Variants in SLC9A7 observed in about 807,000 individuals in gnomAD.
SLC9A7 encodes solute carrier family 9 member A7.
In SLC9A7, 19 loss-of-function variants were observed where a neutral mutation model predicts 52.6. The ratio of observed to expected loss-of-function variants is 0.36; its 90% CI spans 0.25 to 0.53. The LOEUF is 0.53. Among genes scored for constraint, SLC9A7 ranks in the 20% least tolerant of loss-of-function variants. The pLI is 0.91. For missense variants in SLC9A7, 455 were observed against 597.9 expected (o/e 0.76, Z 2.49); for synonymous variants, 226 against 252.1 (o/e 0.90, Z 0.98).
chrX:46,643,491 T>C lies in SLC9A7; in HGVS notation c.1463-102A>G, dbSNP rs1943439780. On this transcript the variant is annotated intron_variant, in intron 11 of 16. Coordinates refer to ENST00000616978, the MANE Select transcript of SLC9A7 (RefSeq NM_001257291.2). ...GGGGCTAATAAACTCTATTCATTCATGCTTCAGGGGCCAAGTTGTTTTACT... is the reference window on the plus strand; with the variant it reads ...GGGGCTAATAAACTCTATTCATTCACGCTTCAGGGGCCAAGTTGTTTTACT... 5 of 823,725 alleles carry C rather than the reference T, an allele frequency of 6.1e-6. No homozygotes were observed. In the Admixed American group the frequency reaches 8.7e-5, roughly 14 times the overall value. The allele number at this position is 823,725 out of a possible 1,213,427, so 67.9% of individuals were successfully genotyped here.
At chrX:46,637,288 C>T (rs1390735327) in intron 12 of SLC9A7, among the ~76,000 whole-genome samples, 1 of 111,995 alleles carries the variant, frequency 8.9e-6, no homozygotes, top group Middle Eastern at 4.2e-3. Flanking sequence ...AGCTGCTCGT[C>T]TCCAGAGCCT....
At chrX:46,687,354 CA>C (rs1240892850) in intron 1 of SLC9A7, among the ~76,000 whole-genome samples, 1 of 111,862 alleles carries the variant, frequency 8.9e-6, no homozygotes, top group Non-Finnish European at 1.9e-5. Flanking sequence ...TTTTACAGCA[CA>C]GTAGGGGTTG....
intron 1 of SLC9A7, among the ~76,000 whole-genome samples, chrX:46,721,364 G>A (rs2146957394): frequency 8.9e-6 from 1 of 111,889 alleles, no homozygotes; most frequent in Non-Finnish European, 1.9e-5. Context: ...GCCAGCAGAA[G>A]AGTGGAATTT....
chrX:46,636,639 TA>T (rs1159431920), intron 12 of SLC9A7, among the ~76,000 whole-genome samples: 156 of 102,190 alleles, frequency 1.5e-3, no homozygotes, highest in East Asian at 3.1e-3. Context: ...TCTTGTAGGT[TA>T]AAAAAAAAAA....
At chrX:46,756,567 G>C (rs1382231537) in intron 1 of SLC9A7, among the ~76,000 whole-genome samples, 13 of 111,748 alleles carry the variant, frequency 1.2e-4, no homozygotes, top group African/African-American at 3.9e-4. Context: ...CAGATTAGGG[G>C]GACCTTGCAG....
intron 7 of SLC9A7, among the ~76,000 whole-genome samples, chrX:46,660,556 T>C (rs374686891): frequency 2.7e-5 from 3 of 110,339 alleles, no homozygotes; most frequent in Non-Finnish European, 5.7e-5. Context: ...AAAAAGTGGG[T>C]GAAGGACATG....
intron 1 of SLC9A7, among the ~76,000 whole-genome samples, chrX:46,741,424 G>A (rs1392482543): frequency 1.8e-5 from 2 of 111,775 alleles, no homozygotes; most frequent in Non-Finnish European, 3.8e-5. Flanking sequence ...TATTGGCAAA[G>A]AGCTAGATAC....
intron 5 of SLC9A7, among the ~76,000 whole-genome samples, chrX:46,664,580 C>T (rs1460212162): frequency 1.8e-5 from 2 of 111,101 alleles, no homozygotes; most frequent in African/African-American, 6.5e-5. Context: ...TTGTCAGTCC[C>T]CTATATGTCC....
intron 1 of SLC9A7, among the ~76,000 whole-genome samples, chrX:46,746,006 T>C (rs1470971006): frequency 9.2e-6 from 1 of 109,108 alleles, no homozygotes; most frequent in African/African-American, 3.3e-5. Context: ...ATGAAAAATG[T>C]ACTACAGCAA....
At chrX:46,642,167 T>TC (rs1030775085) in intron 12 of SLC9A7, among the ~76,000 whole-genome samples, 9 of 111,739 alleles carry the variant, frequency 8.1e-5, no homozygotes, top group African/African-American at 2.9e-4. Context: ...TTTAGTTTCT[T>TC]CCCCCCAACC....
intron 1 of SLC9A7, among the ~76,000 whole-genome samples, chrX:46,689,490 A>G (rs1198242582): frequency 9.0e-6 from 1 of 111,509 alleles, no homozygotes; most frequent in East Asian, 2.8e-4. Context: ...ACATGTTTTC[A>G]TTTCTCTAAG....
Position 46,718,383 on chromosome X carries a change from C to A in SLC9A7, c.326-35848G>T, listed in dbSNP as rs773982295. Among the ~76,000 whole-genome samples, 756 of 111,777 alleles carry A rather than the reference C, an allele frequency of 6.8e-3. 12 individuals are homozygous for A. The highest frequency in any genetic ancestry group is 0.023 in the African/African-American group (716 of 30,676). On this transcript the variant is annotated intron_variant, in intron 1 of 16. Coordinates refer to ENST00000616978, the MANE Select transcript of SLC9A7 (RefSeq NM_001257291.2). ...AGGCAATACCATTCAGGACACAGGC[C>A]TGGGCAAGGACTTCATGTCTAAAAC... is the stretch of plus-strand genomic sequence containing the variant.
chrX:46,699,006 C>G (rs1944489918), intron 1 of SLC9A7, among the ~76,000 whole-genome samples: 1 of 111,611 alleles, frequency 9.0e-6, no homozygotes, highest in African/African-American at 3.3e-5. Context: ...TCTATCTCAT[C>G]CCCTTAGAAC....
intron 11 of SLC9A7, among the ~76,000 whole-genome samples, chrX:46,644,711 G>T (rs1222712613): frequency 9.0e-6 from 1 of 110,773 alleles, no homozygotes; most frequent in African/African-American, 3.3e-5. Context: ...CCATGGGCAA[G>T]ACTGTATAAC....
chrX:46,641,935 C>T (rs760584687), intron 12 of SLC9A7, among the ~76,000 whole-genome samples: 1 of 111,871 alleles, frequency 8.9e-6, no homozygotes, highest in Non-Finnish European at 1.9e-5. Flanking sequence ...TGGAACAATG[C>T]CTGCAACGTA....
chrX:46,662,123 T>C lies in SLC9A7; in HGVS notation c.934A>G (p.Thr312Ala), dbSNP rs1943834048. 8.3e-7 allele frequency: 1 copy of C among 1,207,700 alleles called. No individual in the cohort carries two copies. Among genetic ancestry groups the C allele is most frequent in the African/African-American group, 1.8e-5 (1 of 56,919 alleles). The change falls in exon 7 of 17, where the codon ACT becomes GCT. Residue 312 changes from threonine (T) to alanine (A), a missense_variant. By Grantham distance (58) the Thr-to-Ala change is moderately conservative. Coordinates refer to ENST00000616978, the MANE Select transcript of SLC9A7 (RefSeq NM_001257291.2). Reference protein sequence around the residue: ...IVAYQPAGLNTHAFDAAAFFK... With the variant: ...IVAYQPAGLNAHAFDAAAFFK... ...AAGGCAGCAGCATCAAAGGCGTGAG[T>C]GTTCAGTCCCGCTGGCTGGTAGGCA...
intron 1 of SLC9A7, among the ~76,000 whole-genome samples, chrX:46,687,292 A>C (rs960901210): frequency 2.7e-5 from 3 of 112,043 alleles, no homozygotes; most frequent in African/African-American, 9.7e-5. Flanking sequence ...TTCTTATGTA[A>C]GGTACTGAGG....
chrX:46,606,924 C>T lies in SLC9A7; in HGVS notation c.*28G>A. On this transcript the variant is annotated 3_prime_UTR_variant, in exon 17 of 17. Coordinates refer to ENST00000616978, the MANE Select transcript of SLC9A7 (RefSeq NM_001257291.2). ...TGTCCTCACCCCATCGGGAGCCTAC[C>T]CCATCGCGCCAGGGCTTGGGGGGAA... The T allele has an allele frequency of 1.7e-6, 2 of 1,210,234 alleles. No individual in the cohort carries two copies. Among genetic ancestry groups the T allele is most frequent in the South Asian group, 1.8e-5 (1 of 56,825 alleles).
At chrX:46,690,634 A>C (rs976551039) in intron 1 of SLC9A7, among the ~76,000 whole-genome samples, 1 of 111,916 alleles carries the variant, frequency 8.9e-6, no homozygotes, top group Non-Finnish European at 1.9e-5. Flanking sequence ...TAATTTATCC[A>C]TTTTATTTTA....
Sources: allele counts gnomAD v4.1 joint callset (sites outside exome capture counted in the v4.1 genomes callset), GRCh38; gene constraint gnomAD v4.1.1; transcripts MANE v1.5; gene names NCBI Gene and HGNC (gene_info 2026-07-23, HGNC 2026-07-21).